DGKG: variants seen among roughly 807,000 people sequenced by gnomAD.
DGKG encodes DAG kinase gamma.
In DGKG, 78 loss-of-function variants were observed where a neutral mutation model predicts 105.3. The observed-to-expected ratio is 0.74, with a 90% CI of 0.62 to 0.89. The LOEUF is 0.89. Ranked by LOEUF, DGKG falls within the 40% of genes least tolerant of loss-of-function variation. The probability of loss-of-function intolerance (pLI) is 0.00; values close to 1 mark genes in which losing one functional copy is unlikely to be tolerated. For synonymous variants in DGKG, 346 were observed against 367.1 expected (o/e 0.94, Z 0.66); for missense variants, 958 against 1,020.1 (o/e 0.94, Z 0.83).
intron 19 of DGKG, among the ~76,000 whole-genome samples, chr3:186,245,907 C>A (rs149033045): frequency 5.1e-5 from 7 of 138,024 alleles, no homozygotes; most frequent in African/African-American, 1.1e-4. Flanking sequence ...AAACAAAAAA[C>A]AAACAAACAA....
intron 20 of DGKG, among the ~76,000 whole-genome samples, chr3:186,214,977 G>A (rs1192073760): frequency 6.6e-6 from 1 of 152,174 alleles, no homozygotes; most frequent in Non-Finnish European, 1.5e-5. Context: ...AAGAAGCTAG[G>A]CCATGGGACA....
chr3:186,309,117 A>G (rs1175313317), intron 2 of DGKG, among the ~76,000 whole-genome samples: 1 of 152,228 alleles, frequency 6.6e-6, no homozygotes, highest in Non-Finnish European at 1.5e-5. Context: ...ATGAAGTTCT[A>G]TGAAACACCA....
rs138729184 is a variant in DGKG at position 186,353,746 on chromosome 3, T to C, written c.-249+8200A>G. 2.6e-3 allele frequency among the ~76,000 whole-genome samples: 388 copies of C among 151,740 alleles called. 3 individuals are homozygous for C. The highest frequency in any genetic ancestry group is 8.6e-3 in the African/African-American group (357 of 41,384). ...TCCACTCAGCTCCTGGAAACCCAGT[T>C]GATCCTATCCCAAGAAATGAGTCCT... On this transcript the variant is annotated intron_variant, in intron 1 of 24. Transcript: ENST00000265022.
chr3:186,205,739 C>A (rs1422633790), intron 21 of DGKG, among the ~76,000 whole-genome samples: 2 of 151,642 alleles, frequency 1.3e-5, no homozygotes, highest in Admixed American at 6.6e-5. Flanking sequence ...ACCACAACAA[C>A]AAAAAATGGA....
At chr3:186,227,441 C>T (rs1719911606) in intron 20 of DGKG, among the ~76,000 whole-genome samples, 2 of 152,258 alleles carry the variant, frequency 1.3e-5, no homozygotes, top group Admixed American at 1.3e-4. Context: ...GGCTGAAACT[C>T]AGTTCTTTTG....
intron 1 of DGKG, among the ~76,000 whole-genome samples, chr3:186,350,135 C>T (rs1726558654): frequency 6.6e-6 from 1 of 152,160 alleles, no homozygotes; most frequent in African/African-American, 2.4e-5. Context: ...GGTGATCCAT[C>T]TGCATCGGCC....
At chr3:186,342,438 G>C (rs2108661839) in intron 1 of DGKG, among the ~76,000 whole-genome samples, 1 of 152,258 alleles carries the variant, frequency 6.6e-6, no homozygotes, top group Admixed American at 6.5e-5. Context: ...CTGAACACTT[G>C]CAAAACGCCC....
chr3:186,242,611 T>A, intron 19 of DGKG, 43 bp from the exon 20 acceptor site: 1 of 1,585,146 alleles, frequency 6.3e-7, no homozygotes, highest in Non-Finnish European at 8.6e-7. Flanking sequence ...TGAGTGGTCA[T>A]GACAGTGCAG....
chr3:186,280,893 T>G (rs548854580), intron 7 of DGKG, 149 bp from the exon 8 acceptor site: 1 of 637,722 alleles, frequency 1.6e-6, no homozygotes. Context: ...TGTGAGGAGC[T>G]CAGTTTATTT....
intron 13 of DGKG, among the ~76,000 whole-genome samples, chr3:186,266,636 C>T (rs1174149686): frequency 6.6e-6 from 1 of 152,142 alleles, no homozygotes; most frequent in Non-Finnish European, 1.5e-5. Context: ...CTCACTCTGT[C>T]ACCCAGGCTG....
rs1325621470 is a variant in DGKG, at chr3:186,242,575, G to A, written c.1762-7C>T. On this transcript the variant is annotated splice_polypyrimidine_tract_variant and splice_region_variant and intron_variant, in intron 19 of 24. Transcript: ENST00000265022. Reference sequence around the variant, plus strand: ...TGTGTGCAATGGAAGCGTCCTGAAAGTGAAAGAGACAAAGCAGATCCTTGG... The same window carrying A: ...TGTGTGCAATGGAAGCGTCCTGAAAATGAAAGAGACAAAGCAGATCCTTGG... The A allele has an allele frequency of 1.2e-6, 2 of 1,613,134 alleles. No homozygotes were observed. The highest frequency in any genetic ancestry group is 1.3e-5 in the African/African-American group (1 of 75,052).
At chr3:186,265,425 T>C (rs1721999452) in intron 13 of DGKG, 119 bp from the exon 14 acceptor site, 2 of 896,486 alleles carry the variant, frequency 2.2e-6, no homozygotes, top group African/African-American at 3.4e-5. Context: ...TAGTGTAGTA[T>C]GGAGACGAGG....
At chr3:186,286,903 G>A (rs982192256) in intron 6 of DGKG, among the ~76,000 whole-genome samples, 6 of 151,886 alleles carry the variant, frequency 4.0e-5, no homozygotes, top group African/African-American at 7.3e-5. Flanking sequence ...GCGTAGCGGC[G>A]GGCACCTGTA....
chr3:186,255,562 T>C (rs1721426025), intron 17 of DGKG, among the ~76,000 whole-genome samples: 1 of 152,114 alleles, frequency 6.6e-6, no homozygotes, highest in African/African-American at 2.4e-5. Flanking sequence ...CAAGGGAGAC[T>C]GGAACGCCCA....
At chr3:186,287,990 T>C (rs1315330195) in intron 6 of DGKG, among the ~76,000 whole-genome samples, 1 of 152,236 alleles carries the variant, frequency 6.6e-6, no homozygotes, top group Non-Finnish European at 1.5e-5. Context: ...TTTAGAAGTA[T>C]GTCTGTAGGC....
At chr3:186,292,415 G>C (rs1723350573) in intron 5 of DGKG, among the ~76,000 whole-genome samples, 1 of 152,154 alleles carries the variant, frequency 6.6e-6, no homozygotes, top group Non-Finnish European at 1.5e-5. Flanking sequence ...GTTTAAAGAG[G>C]GGATTGCATT....
intron 1 of DGKG, among the ~76,000 whole-genome samples, chr3:186,345,458 CTTTG>C (rs915494897): frequency 3.9e-5 from 6 of 152,050 alleles, no homozygotes; most frequent in Non-Finnish European, 8.8e-5. Context: ...TTACTGTCTC[CTTTG>C]TTTAATTAAT....
At chr3:186,302,881 TA>T (rs1307047938) in intron 3 of DGKG, among the ~76,000 whole-genome samples, 2 of 152,132 alleles carry the variant, frequency 1.3e-5, no homozygotes, top group Admixed American at 6.6e-5. Context: ...GTCCCCATCC[TA>T]GAGAACAGGA....
intron 17 of DGKG, among the ~76,000 whole-genome samples, chr3:186,254,223 G>A (rs1393936084): frequency 3.9e-5 from 6 of 152,146 alleles, no homozygotes; most frequent in Non-Finnish European, 5.9e-5. Flanking sequence ...TGATTGCGGC[G>A]TGAGGAGAGA....
Sources: gnomAD v4.1 joint callset for allele counts (sites outside exome capture counted in the v4.1 genomes callset) on GRCh38, gnomAD v4.1.1 for gene constraint, MANE v1.5 for transcripts, NCBI Gene and HGNC (gene_info 2026-07-23, HGNC 2026-07-21) for gene names.